FAT2: variants seen among roughly 807,000 people sequenced by gnomAD.
The protein encoded by FAT2 is FAT atypical cadherin 2, also known as protocadherin Fat 2.
A neutral mutation model predicts 295.3 loss-of-function variants in FAT2; 150 were observed. That is an observed-to-expected ratio of 0.51 (90% CI 0.44 to 0.58). The LOEUF (loss-of-function observed/expected upper bound fraction) is 0.58, where lower values mean the gene tolerates loss of function less well. Among genes scored for constraint, FAT2 ranks in the 20% least tolerant of loss-of-function variants. The pLI, the probability that FAT2 is intolerant of heterozygous loss-of-function variation, is 0.00. For synonymous variants in FAT2, 2,026 were observed against 2,150.3 expected (o/e 0.94, Z 1.60); for missense variants, 4,868 against 5,442.7 (o/e 0.89, Z 3.32).
Position 151,545,865 on chromosome 5 carries a change from A to G in FAT2, c.5262T>C (p.Asn1754=). The change falls in exon 10 of 24, where the codon AAT becomes AAC. Residue 1754 remains asparagine, a synonymous_variant. Coordinates refer to ENST00000261800, the MANE Select transcript of FAT2 (RefSeq NM_001447.3). ...AAGTTGACTTTAAGAACATAGGAGC[A>G]TTGTCATTTTCATCAATTATGTCAA... ...VVVDIIDEND[N]APMFLKSTFV... The G allele has an allele frequency of 1.2e-6, 2 of 1,614,230 alleles. No homozygotes were observed. The highest frequency in any genetic ancestry group is 1.7e-5 in the Admixed American group (1 of 60,032).
chr5:151,526,040 G>A (rs772784556), intron 17 of FAT2, 75 bp from the exon 18 acceptor site: 11 of 1,434,158 alleles, frequency 7.7e-6, no homozygotes, highest in South Asian at 2.4e-5. Context: ...GTCTGGGTAT[G>A]TCATCTGGAA....
At chr5:151,548,321 T>A (rs915144645) in intron 9 of FAT2, among the ~76,000 whole-genome samples, 1 of 151,604 alleles carries the variant, frequency 6.6e-6, no homozygotes, top group Admixed American at 6.6e-5. Context: ...CTATTAAATA[T>A]CATTAATTAT....
At chr5:151,586,096 C>T (rs773416000) in intron 1 of FAT2, among the ~76,000 whole-genome samples, 3 of 152,234 alleles carry the variant, frequency 2.0e-5, no homozygotes, top group Non-Finnish European at 4.4e-5. Flanking sequence ...ACGTTTGGCA[C>T]CATTGAGCCT....
intron 19 of FAT2, among the ~76,000 whole-genome samples, chr5:151,518,365 A>C (rs1027900225): frequency 1.4e-5 from 1 of 69,120 alleles, no homozygotes; most frequent in Non-Finnish European, 3.5e-5. Context: ...TAATAATAAT[A>C]ATAATAATAA....
intron 3 of FAT2, among the ~76,000 whole-genome samples, chr5:151,559,449 C>T (rs1455292438): frequency 6.6e-6 from 1 of 152,058 alleles, no homozygotes; most frequent in Non-Finnish European, 1.5e-5. Flanking sequence ...GGCCTGGGGT[C>T]CCCCAGGAAG....
At chr5:151,538,757 A>C (rs1311293054) in intron 11 of FAT2, among the ~76,000 whole-genome samples, 1 of 152,076 alleles carries the variant, frequency 6.6e-6, no homozygotes. Flanking sequence ...GGCTCACTGC[A>C]ACCTCCTCCT....
intron 22 of FAT2, among the ~76,000 whole-genome samples, chr5:151,508,752 T>TAATC (rs1303834813): frequency 2.5e-4 from 37 of 150,082 alleles, no homozygotes; most frequent in Admixed American, 1.7e-3. Flanking sequence ...ATACCCAGAG[T>TAATC]AATCATGGGA....
rs367831007 is a variant in FAT2 at position 151,544,974 on chromosome 5, C to T, written c.6153G>A (p.Val2051=). Residue 2051 remains valine, a synonymous_variant, in exon 10 of 24, where the codon GTG becomes GTA. Transcript: ENST00000261800. ...EVRDNRTPQR[V]AQGLVRVSIE... is the part of the protein sequence containing the mutation. Reference sequence around the variant, plus strand: ...TAGAGACTCTGACCAAACCCTGAGCCACCCGCTGAGGTGTCCGATTGTCCC... The same window carrying T: ...TAGAGACTCTGACCAAACCCTGAGCTACCCGCTGAGGTGTCCGATTGTCCC... The T allele has an allele frequency of 6.2e-7, 1 of 1,614,070 alleles. No individual in the cohort carries two copies. Among genetic ancestry groups the T allele is most frequent in the African/African-American group, 1.3e-5 (1 of 74,922 alleles).
intron 1 of FAT2, among the ~76,000 whole-genome samples, chr5:151,587,113 A>AC (rs1759203684): frequency 1.3e-5 from 2 of 151,994 alleles, no homozygotes; most frequent in South Asian, 4.2e-4. Context: ...CTGCTCTCCA[A>AC]CCTGGGCAAC....
chr5:151,504,146 G>GTC lies in FAT2; in HGVS notation c.*1418_*1419insGA, dbSNP rs1474277608. On this transcript the variant is annotated 3_prime_UTR_variant, in exon 24 of 24. Coordinates refer to ENST00000261800, the MANE Select transcript of FAT2 (RefSeq NM_001447.3). ...AAAAAAAAATGACCAATGAAACTAT[G>GTC]TATCTGTCACTCACACTCACAGTCA... is the stretch of plus-strand genomic sequence containing the variant. The GTC allele has an allele frequency of 3.3e-5, 5 of 152,532 alleles. No individual in the cohort carries two copies. Among genetic ancestry groups the GTC allele is most frequent in the Non-Finnish European group, 7.4e-5 (5 of 68,018 alleles). 9.4% of individuals were successfully genotyped at this position (152,532 alleles called of 1,614,324 possible).
At chr5:151,551,983 G>GTA (rs1369925202) in intron 6 of FAT2, among the ~76,000 whole-genome samples, 8 of 150,926 alleles carry the variant, frequency 5.3e-5, no homozygotes, top group African/African-American at 1.9e-4. Flanking sequence ...AAGGGTGTGT[G>GTA]TGTGTGTGTG....
rs1222068468 is a variant in FAT2 at position 151,517,666 on chromosome 5, T to C, written c.11417A>G (p.Gln3806Arg). Reference sequence around the variant, plus strand: ...TTCATTGGTGAATAGAAGAATGGCCTGTGGCTGGAGTGTTTTCAGATAGAA... The same window carrying C: ...TTCATTGGTGAATAGAAGAATGGCCCGTGGCTGGAGTGTTTTCAGATAGAA... Reference protein sequence around the residue: ...IHFYLKTLQPQAILLFTNETA... With the variant: ...IHFYLKTLQPRAILLFTNETA... Residue 3806 changes from glutamine (Q) to arginine (R), a missense_variant, in exon 20 of 24, where the codon CAG becomes CGG. Gln to Arg is a conservative substitution (Grantham distance 43). This residue lies in a region of FAT2 where 1,046 missense variants were observed against 1,210.1 expected (regional missense o/e 0.86). Coordinates refer to ENST00000261800, the MANE Select transcript of FAT2 (RefSeq NM_001447.3). The C allele has an allele frequency of 3.1e-6, 5 of 1,614,052 alleles. No individual in the cohort carries two copies. Among genetic ancestry groups the C allele is most frequent in the African/African-American group, 1.3e-5 (1 of 74,916 alleles).
chr5:151,591,700 C>T (rs945207302), upstream of FAT2, among the ~76,000 whole-genome samples: 1 of 152,138 alleles, frequency 6.6e-6, no homozygotes, highest in Non-Finnish European at 1.5e-5. Context: ...ACCCCTTTCC[C>T]CAGGGCTTTG....
At chr5:151,526,072 G>A in intron 17 of FAT2, 107 bp from the exon 18 acceptor site, 1 of 1,039,830 alleles carries the variant, frequency 9.6e-7, no homozygotes, top group Non-Finnish European at 1.4e-6. Flanking sequence ...CACTCTGACT[G>A]CTTGTAGATG....
upstream of FAT2, among the ~76,000 whole-genome samples, chr5:151,593,312 G>T (rs890613506): frequency 6.6e-6 from 1 of 152,204 alleles, no homozygotes; most frequent in Admixed American, 6.5e-5. Context: ...TCCCTCGGGG[G>T]CCAAGGCTGG....
Position 151,507,716 on chromosome 5 carries a change from A to G in FAT2, c.12060-105T>C, listed in dbSNP as rs116302342. 2.6e-3 allele frequency: 2,747 copies of G among 1,064,168 alleles called. 51 individuals carry two copies. The African/African-American group carries it at 0.038, about 15-fold the overall frequency. 65.9% of individuals were successfully genotyped at this position (1,064,168 alleles called of 1,614,324 possible). On this transcript the variant is annotated intron_variant, in intron 22 of 23. Transcript: ENST00000261800. Reference sequence around the variant, plus strand: ...GAGACTGCTCCCCCCAAAACCTACCATCTCCCGTTTTTCACCCCCCAAAAA... The same window carrying G: ...GAGACTGCTCCCCCCAAAACCTACCGTCTCCCGTTTTTCACCCCCCAAAAA...
In FAT2 at chr5:151,534,599, A is replaced by T; in HGVS notation, c.9237T>A (p.Asp3079Glu). The T allele has an allele frequency of 6.2e-7, 1 of 1,613,710 alleles. No individual in the cohort carries two copies. Among genetic ancestry groups the T allele is most frequent in the African/African-American group, 1.3e-5 (1 of 74,918 alleles). ...TCGCCTTGGCAACAAGGTTGAACAC[A>T]TCCTTCCTTTCTCGGTCTAGGGCAG... ...TLTALDRERK[D>E]VFNLVAKATD... Residue 3079 changes from aspartate to glutamate, a missense_variant, in exon 13 of 24, where the codon GAT (aspartate) becomes GAA (glutamate). By Grantham distance (45) the Asp-to-Glu change is conservative. Transcript: ENST00000261800.
At position 151,563,591 on chromosome 5, in the gene FAT2, T is replaced by A. The variant is rs1426189999; in HGVS notation, c.3308A>T (p.Tyr1103Phe). 3.7e-6 allele frequency: 6 copies of A among 1,614,156 alleles called. No homozygotes were observed. The highest frequency in any genetic ancestry group is 5.1e-6 in the Non-Finnish European group (6 of 1,180,024). ...GTCCACTGCTAATACCGTCAACCAGTAGTAAGATGCAAATTCTCGGTCCAG... is the reference window on the plus strand; with the variant it reads ...GTCCACTGCTAATACCGTCAACCAGAAGTAAGATGCAAATTCTCGGTCCAG... ...APLDREFASYYWLTVLAVDRG... is the reference protein window; with the variant it reads ...APLDREFASYFWLTVLAVDRG... Residue 1103 changes from tyrosine to phenylalanine, a missense_variant, in exon 3 of 24, where the codon TAC becomes TTC. By Grantham distance (22) the Tyr-to-Phe change is conservative. Transcript: ENST00000261800.
chr5:151,510,642 G>C (rs1384163409), intron 21 of FAT2: 4 of 152,868 alleles, frequency 2.6e-5, no homozygotes, highest in African/African-American at 9.7e-5. Context: ...TAGACAGCTA[G>C]CTATAATATC....
Sources: allele counts gnomAD v4.1 joint callset (sites outside exome capture counted in the v4.1 genomes callset), GRCh38; gene constraint gnomAD v4.1.1; regional missense constraint gnomAD v4.1.1; transcripts MANE v1.5; gene names NCBI Gene and HGNC (gene_info 2026-07-23, HGNC 2026-07-21).